Variants in COLEC12 observed in about 807,000 individuals in gnomAD.
The protein encoded by COLEC12 is collectin subfamily member 12.
COLEC12 carries 33 observed loss-of-function variants against 71.1 expected under a neutral mutation model. The observed-to-expected ratio is 0.46, with a 90% CI of 0.35 to 0.62. The LOEUF (loss-of-function observed/expected upper bound fraction) is 0.62. Ranked by LOEUF, COLEC12 falls within the 20% of genes least tolerant of loss-of-function variation. COLEC12 has a pLI of 0.00. For synonymous variants in COLEC12, 350 were observed against 353.0 expected (o/e 0.99, Z 0.10); for missense variants, 765 against 916.1 (o/e 0.84, Z 2.13).
rs1306969372 is a variant in COLEC12, at chr18:341,300, G to A, written c.1327+4995C>T. Among the ~76,000 whole-genome samples, 3 of 152,184 alleles carry A rather than the reference G, an allele frequency of 2.0e-5. No homozygotes were observed. The East Asian group carries it at 5.8e-4, about 29-fold the overall frequency. ...GTTTGGCCTTGGGTAAGTTACTCAG[G>A]CTCTCTGCGTCTCAGTTCCCTCCCC... On this transcript the variant is annotated intron_variant, in intron 5 of 9. Coordinates refer to ENST00000400256, the MANE Select transcript of COLEC12 (RefSeq NM_130386.3).
intron 2 of COLEC12, among the ~76,000 whole-genome samples, chr18:406,425 C>T (rs1170045598): frequency 7.0e-6 from 1 of 142,090 alleles, no homozygotes; most frequent in Non-Finnish European, 1.5e-5. Flanking sequence ...AGGAGAATGG[C>T]GTGAACCCGG....
chr18:457,840 A>T (rs1220999170), intron 2 of COLEC12, among the ~76,000 whole-genome samples: 1 of 152,206 alleles, frequency 6.6e-6, no homozygotes, highest in Non-Finnish European at 1.5e-5. Flanking sequence ...CAAAAGCTGG[A>T]TCCTTGACTG....
At chr18:377,279 T>C (rs1046788155) in intron 2 of COLEC12, among the ~76,000 whole-genome samples, 1 of 152,224 alleles carries the variant, frequency 6.6e-6, no homozygotes, top group African/African-American at 2.4e-5. Flanking sequence ...GGCTTCCAGA[T>C]GGCAGAAGAG....
rs1353226493 is a variant in COLEC12, at chr18:347,259, T to C, written c.363A>G (p.Gln121=). 1 of 1,614,216 alleles carries C rather than the reference T, an allele frequency of 6.2e-7. No homozygotes were observed. The highest frequency in any genetic ancestry group is 8.5e-7 in the Non-Finnish European group (1 of 1,180,040). Residue 121 remains glutamine (Q), a synonymous_variant, in exon 5 of 10, where the codon CAA becomes CAG. Coordinates refer to ENST00000400256, the MANE Select transcript of COLEC12 (RefSeq NM_130386.3). The part of the protein sequence containing the change: ...FRSDILDLRQ[Q]LREITEKTSK... ...TGGTTTTTTCTGTAATCTCACGAAG[T>C]TGCTGACGGAGATCTAGAATGTCTG...
chr18:335,128 G>A lies in COLEC12; in HGVS notation c.1430C>T (p.Pro477Leu). The change falls in exon 6 of 10, where the codon CCA (proline) becomes CTA (leucine). Residue 477 changes from proline (P) to leucine (L), a missense_variant. Pro to Leu is a moderately conservative substitution (Grantham distance 98, BLOSUM62 -3). Transcript: ENST00000400256. ...GQKGEKGEPGPPGPAGERGPI... is the reference protein window; with the variant it reads ...GQKGEKGEPGLPGPAGERGPI... Reference sequence around the variant, plus strand: ...GCCTCTCTCACCCGCAGGGCCAGGTGGTCCAGGCTCCCCCTTCTCTCCTTT... The same window carrying A: ...GCCTCTCTCACCCGCAGGGCCAGGTAGTCCAGGCTCCCCCTTCTCTCCTTT... 6.2e-7 allele frequency: 1 copy of A among 1,612,590 alleles called. No individual in the cohort carries two copies. The highest frequency in any genetic ancestry group is 8.5e-7 in the Non-Finnish European group (1 of 1,179,534).
chr18:500,432 G>GGCCCCCCCC lies in COLEC12; in HGVS notation c.7+75_7+76insGGGGGGGGC. Reference sequence around the variant, plus strand: ...GCCCAAGGGAAGGTTCGCGCGGGAGGCACCTCCGTGGCCTCCCGCGCGCCC... The same window carrying GGCCCCCCCC: ...GCCCAAGGGAAGGTTCGCGCGGGAGGGCCCCCCCCCACCTCCGTGGCCTCCCGCGCGCCC... On this transcript the variant is annotated intron_variant, in intron 1 of 9. Transcript: ENST00000400256. This position sits in a 1 kb window ranked among gnomAD's most constrained non-coding sequence, Gnocchi z 5.3. 1 of 848,804 alleles carries GGCCCCCCCC rather than the reference G, an allele frequency of 1.2e-6. No individual in the cohort carries two copies. The highest frequency in any genetic ancestry group is 1.9e-5 in the African/African-American group (1 of 53,354). The allele number at this position is 848,804 out of a possible 1,614,324, so 52.6% of individuals were successfully genotyped here.
At chr18:423,451 T>G (rs571218316) in intron 2 of COLEC12, among the ~76,000 whole-genome samples, 1 of 152,162 alleles carries the variant, frequency 6.6e-6, no homozygotes, top group Non-Finnish European at 1.5e-5. Flanking sequence ...TTTAACAAAA[T>G]AGCCTCAAAA....
rs1396833555 is a variant in COLEC12 at position 406,890 on chromosome 18, C to G, written c.59-49368G>C. ...GGCCAGCACCCTGAGAGGACTGACC[C>G]CAGACCTCAGGAGCGATGACGGGAC... On this transcript the variant is annotated intron_variant, in intron 2 of 9. Transcript: ENST00000400256. 2.0e-5 allele frequency among the ~76,000 whole-genome samples: 3 copies of G among 152,238 alleles called. No homozygotes were observed. In the East Asian group the frequency reaches 5.8e-4, roughly 29 times the overall value.
At chr18:394,664 G>A (rs372143603) in intron 2 of COLEC12, among the ~76,000 whole-genome samples, 124 of 152,264 alleles carry the variant, frequency 8.1e-4, no homozygotes, top group African/African-American at 2.7e-3. Context: ...TTGTTTCAAC[G>A]GGAGGACCAC....
chr18:431,367 T>C (rs1326653167), intron 2 of COLEC12, among the ~76,000 whole-genome samples: 1 of 152,182 alleles, frequency 6.6e-6, no homozygotes, highest in Non-Finnish European at 1.5e-5. Flanking sequence ...ATAGTTTGCA[T>C]CTCTGCCTTA....
At chr18:415,150 G>T (rs190057804) in intron 2 of COLEC12, among the ~76,000 whole-genome samples, 70 of 152,320 alleles carry the variant, frequency 4.6e-4, no homozygotes, top group African/African-American at 1.5e-3. Context: ...AGGAAGCTTT[G>T]CAGTTTACTA....
intron 2 of COLEC12, among the ~76,000 whole-genome samples, chr18:374,286 A>G (rs1316447407): frequency 1.3e-5 from 2 of 152,180 alleles, no homozygotes; most frequent in Non-Finnish European, 2.9e-5. Context: ...TCAAATACAG[A>G]TATTATGGAC....
intron 2 of COLEC12, among the ~76,000 whole-genome samples, chr18:396,969 C>T (rs750857975): frequency 3.3e-5 from 5 of 152,152 alleles, no homozygotes; most frequent in African/African-American, 4.8e-5. Flanking sequence ...CCAGGTCCCA[C>T]GAATGCATCT....
intron 2 of COLEC12, among the ~76,000 whole-genome samples, chr18:359,278 C>T (rs779540562): frequency 9.2e-5 from 14 of 152,252 alleles, no homozygotes; most frequent in East Asian, 7.7e-4. Context: ...TGGCAAACAC[C>T]GCGAATTAGG....
chr18:418,822 C>T (rs1916038856), intron 2 of COLEC12, among the ~76,000 whole-genome samples: 1 of 152,226 alleles, frequency 6.6e-6, no homozygotes, highest in Non-Finnish European at 1.5e-5. Flanking sequence ...AAATGGGCAA[C>T]CAGCAGCCCT....
chr18:415,191 C>T (rs1490038976), intron 2 of COLEC12, among the ~76,000 whole-genome samples: 1 of 152,322 alleles, frequency 6.6e-6, no homozygotes, highest in Admixed American at 6.5e-5. Flanking sequence ...AGCAACAGTT[C>T]TGTGTGATGT....
chr18:347,055 C>G lies in COLEC12; in HGVS notation c.567G>C (p.Gln189His), dbSNP rs762314338. ...TNLQQDTSVL[Q>H]GNLQNQMYSH... ...AATACATTTGGTTCTGCAGATTGCC[C>G]TGGAGCACGCTGGTATCTTGCTGCA... The change falls in exon 5 of 10, where the codon CAG (glutamine) becomes CAC (histidine). Residue 189 changes from glutamine (Q) to histidine (H), a missense_variant. By Grantham distance (24) the Gln-to-His change is conservative. Coordinates refer to ENST00000400256, the MANE Select transcript of COLEC12 (RefSeq NM_130386.3). 1 of 1,614,176 alleles carries G rather than the reference C, an allele frequency of 6.2e-7. No homozygotes were observed. The highest frequency in any genetic ancestry group is 8.5e-7 in the Non-Finnish European group (1 of 1,180,036).
rs148761307 is a variant in COLEC12, at chr18:331,741, G to A, written c.1990C>T (p.His664Tyr). Residue 664 changes from histidine to tyrosine, a missense_variant, in exon 8 of 10, where the codon CAC becomes TAC. By Grantham distance (83) the His-to-Tyr change is moderately conservative (BLOSUM62 2). Transcript: ENST00000400256. ...IKKQMVGRES[H>Y]WIGLTDSERE... is the part of the protein sequence containing the mutation. ...TCTGAGTCTGTGAGGCCGATCCAGT[G>A]GCTCTCTCTCCCTACCATCTGTTTT... 2 of 1,613,778 alleles carry A rather than the reference G, an allele frequency of 1.2e-6. No homozygotes were observed. Among genetic ancestry groups the A allele is most frequent in the African/African-American group, 2.7e-5 (2 of 74,888 alleles).
intron 2 of COLEC12, among the ~76,000 whole-genome samples, chr18:366,229 G>C (rs758086681): frequency 5.9e-5 from 9 of 152,172 alleles, no homozygotes; most frequent in Admixed American, 5.9e-4. Context: ...GGCATGTAGC[G>C]GGGGACGTAG....
Sources: allele counts gnomAD v4.1 joint callset (sites outside exome capture counted in the v4.1 genomes callset), GRCh38; gene constraint gnomAD v4.1.1; non-coding constraint Gnocchi (gnomAD v3.1); transcripts MANE v1.5; gene names NCBI Gene and HGNC (gene_info 2026-07-23, HGNC 2026-07-21).